The following ESCO1 variants were observed in gnomAD, a reference collection of about 807,000 sequenced individuals.
The protein encoded by ESCO1 is establishment of sister chromatid cohesion N-acetyltransferase 1, also known as N-acetyltransferase ESCO1.
A neutral mutation model predicts 83.5 loss-of-function variants in ESCO1; 33 were observed. The observed-to-expected ratio is 0.40, with a 90% CI of 0.30 to 0.53. The LOEUF (loss-of-function observed/expected upper bound fraction) is 0.53. Among genes scored for constraint, ESCO1 ranks in the 20% least tolerant of loss-of-function variants. The probability of loss-of-function intolerance (pLI) is 0.63; values close to 1 mark genes in which losing one functional copy is unlikely to be tolerated. For synonymous variants in ESCO1, 332 were observed against 324.3 expected (o/e 1.02, Z -0.25); for missense variants, 855 against 968.0 (o/e 0.88, Z 1.55).
chr18:21,549,138 T>C (rs780299430), intron 8 of ESCO1, among the ~76,000 whole-genome samples: 1 of 152,072 alleles, frequency 6.6e-6, no homozygotes, highest in Non-Finnish European at 1.5e-5. Flanking sequence ...TGTTTCTTAA[T>C]ATAAAACCCT....
intron 2 of ESCO1, among the ~76,000 whole-genome samples, chr18:21,579,824 A>G (rs551130719): frequency 6.7e-6 from 1 of 148,970 alleles, no homozygotes; most frequent in Non-Finnish European, 1.5e-5. Context: ...ACACACACAC[A>G]CACACACACA....
At chr18:21,553,241 G>T (rs376975931) in intron 8 of ESCO1, among the ~76,000 whole-genome samples, 7 of 152,228 alleles carry the variant, frequency 4.6e-5, no homozygotes, top group Admixed American at 1.3e-4. Flanking sequence ...AGTGAGCAGT[G>T]ATCACACCAC....
At position 21,566,201 on chromosome 18, in the gene ESCO1, C is replaced by A. The variant is rs763524388; in HGVS notation, c.1651G>T (p.Ala551Ser). 1 of 1,612,372 alleles carries A rather than the reference C, an allele frequency of 6.2e-7. No homozygotes were observed. Among genetic ancestry groups the A allele is most frequent in the Non-Finnish European group, 8.5e-7 (1 of 1,179,152 alleles). Residue 551 changes from alanine (A) to serine (S), a missense_variant, in exon 6 of 12, where the codon GCT becomes TCT. Ala to Ser is a moderately conservative substitution (Grantham distance 99). Transcript: ENST00000269214. The stretch of plus-strand genomic sequence containing the variant: ...CTGAGAATACTATGCTGTTGGGGAG[C>A]TGAACCTGTAATTTAATCAAGAAGG... ...DTGENKFPGS[A>S]PQQHSILSNQ...
At chr18:21,563,774 T>G (rs764953542) in intron 7 of ESCO1, among the ~76,000 whole-genome samples, 2 of 152,218 alleles carry the variant, frequency 1.3e-5, no homozygotes, top group Non-Finnish European at 2.9e-5. Flanking sequence ...TTGATTTGTC[T>G]CCACCAAAAT....
intron 8 of ESCO1, among the ~76,000 whole-genome samples, chr18:21,543,279 C>T (rs1296867902): frequency 1.1e-4 from 17 of 152,132 alleles, no homozygotes; most frequent in African/African-American, 3.9e-4. Context: ...CTCAGCCTCC[C>T]GAGTAGTTGG....
rs937513925 is a variant in ESCO1, at chr18:21,529,533, T to C, written c.*810A>G. On this transcript the variant is annotated 3_prime_UTR_variant, in exon 12 of 12. Coordinates refer to ENST00000269214, the MANE Select transcript of ESCO1 (RefSeq NM_052911.3). The stretch of plus-strand genomic sequence containing the variant: ...CCATACTTTGCTTCCAAGTATTCTA[T>C]ACGTTTTTATAAACCTCTTTGAGAT... The C allele has an allele frequency of 3.3e-5, 5 of 152,244 alleles. No individual in the cohort carries two copies. Among genetic ancestry groups the C allele is most frequent in the Non-Finnish European group, 7.3e-5 (5 of 68,046 alleles). 9.4% of individuals were successfully genotyped at this position (152,244 alleles called of 1,614,324 possible).
At chr18:21,565,127 TA>T (rs914134254) in intron 6 of ESCO1, among the ~76,000 whole-genome samples, 1 of 151,598 alleles carries the variant, frequency 6.6e-6, no homozygotes, top group Non-Finnish European at 1.5e-5. Flanking sequence ...TAATTTTCAG[TA>T]AAAAAACAAA....
intron 6 of ESCO1, among the ~76,000 whole-genome samples, chr18:21,564,533 G>A (rs959551467): frequency 1.4e-5 from 2 of 147,832 alleles, no homozygotes; most frequent in Non-Finnish European, 3.0e-5. Context: ...TGGGACTACA[G>A]GTGCCAGCCA....
intron 1 of ESCO1, among the ~76,000 whole-genome samples, chr18:21,595,859 G>A (rs760847236): frequency 1.2e-3 from 181 of 151,908 alleles, no homozygotes; most frequent in Non-Finnish European, 2.1e-3. Flanking sequence ...AGCTACTCGG[G>A]AGGCTGAGGC....
At chr18:21,598,299 TG>T (rs1295946618) in intron 1 of ESCO1, among the ~76,000 whole-genome samples, 1 of 152,226 alleles carries the variant, frequency 6.6e-6, no homozygotes, top group Non-Finnish European at 1.5e-5. Flanking sequence ...AAGGACTATC[TG>T]GCAAAAGAAG....
chr18:21,579,792 GCGCACACACACA>G (rs1452695924), intron 2 of ESCO1, among the ~76,000 whole-genome samples: 11,783 of 135,010 alleles, frequency 0.087, 735 homozygotes, highest in Non-Finnish European at 0.11. Context: ...ACACGCGCGC[GCGCACACACACA>G]CACACACACA....
intron 8 of ESCO1, among the ~76,000 whole-genome samples, chr18:21,557,721 G>A (rs1473757776): frequency 6.6e-6 from 1 of 152,124 alleles, no homozygotes; most frequent in Non-Finnish European, 1.5e-5. Context: ...TTGTTCTTTG[G>A]CATTACTAAA....
chr18:21,550,035 A>G (rs1183465486), intron 8 of ESCO1, among the ~76,000 whole-genome samples: 1 of 152,116 alleles, frequency 6.6e-6, no homozygotes, highest in Non-Finnish European at 1.5e-5. Flanking sequence ...ATAAATGAAA[A>G]TCCATGTGTT....
intron 2 of ESCO1, among the ~76,000 whole-genome samples, chr18:21,577,762 G>A (rs540886398): frequency 1.3e-5 from 2 of 152,116 alleles, no homozygotes; most frequent in Non-Finnish European, 2.9e-5. Flanking sequence ...TGAAACAGGA[G>A]GTCTACAGGC....
chr18:21,540,027 T>TATAC lies in ESCO1; in HGVS notation c.1954-19_1954-18insGTAT. The TATAC allele has an allele frequency of 6.5e-7, 1 of 1,532,962 alleles. No homozygotes were observed. The highest frequency in any genetic ancestry group is 8.9e-7 in the Non-Finnish European group (1 of 1,118,980). 95.0% of individuals were successfully genotyped at this position (1,532,962 alleles called of 1,614,324 possible). A position where few individuals can be genotyped will look rare whatever the true frequency, so the allele number is the denominator to read the frequency against. On this transcript the variant is annotated intron_variant, in intron 8 of 11. Coordinates refer to ENST00000269214, the MANE Select transcript of ESCO1 (RefSeq NM_052911.3). Reference sequence around the variant, plus strand: ...TTCCAGCCCTAGATATATATATATATATATACACACATATGTAAAGTATGA... The same window carrying TATAC: ...TTCCAGCCCTAGATATATATATATATATACATATACACACATATGTAAAGTATGA...
At chr18:21,566,617 T>C (rs992781195) in intron 5 of ESCO1, among the ~76,000 whole-genome samples, 2 of 152,176 alleles carry the variant, frequency 1.3e-5, no homozygotes, top group African/African-American at 4.8e-5. Context: ...TCCCAGCACT[T>C]TGGGAGGGCA....
Position 21,580,994 on chromosome 18 carries a change from G to A in ESCO1, c.-694+3316C>T, listed in dbSNP as rs138874957. On this transcript the variant is annotated intron_variant, in intron 2 of 11. Coordinates refer to ENST00000269214, the MANE Select transcript of ESCO1 (RefSeq NM_052911.3). The stretch of plus-strand genomic sequence containing the variant: ...AACAAGAGCAAAACTCCATCGAAAC[G>A]GAGTCTCATTCTGTCACTTAAAAAA... 6.6e-5 allele frequency among the ~76,000 whole-genome samples: 10 copies of A among 150,468 alleles called. No individual in the cohort carries two copies. In the South Asian group the frequency reaches 1.3e-3, roughly 19 times the overall value.
chr18:21,566,078 A>C, intron 6 of ESCO1, 68 bp downstream of exon 6: 1 of 1,417,384 alleles, frequency 7.1e-7, no homozygotes, highest in Admixed American at 1.8e-5. Context: ...CTTTTTAGGG[A>C]AGAATCCCCT....
At chr18:21,568,199 G>A (rs192569216) in intron 4 of ESCO1, 105 bp from the exon 5 acceptor site, 1 of 793,172 alleles carries the variant, frequency 1.3e-6, no homozygotes, top group East Asian at 2.7e-5. Context: ...CTTTTTATTT[G>A]GAGCAATTAA....
Sources: allele counts gnomAD v4.1 joint callset (sites outside exome capture counted in the v4.1 genomes callset), GRCh38; gene constraint gnomAD v4.1.1; transcripts MANE v1.5; gene names NCBI Gene and HGNC (gene_info 2026-07-23, HGNC 2026-07-21).